Variants in SMG6 observed in about 807,000 individuals in gnomAD.
SMG6 encodes SMG6 nonsense mediated mRNA decay factor, also known as telomerase-binding protein EST1A.
SMG6 carries 66 observed loss-of-function variants against 142.2 expected under a neutral mutation model. That is an observed-to-expected ratio of 0.46 (90% CI 0.38 to 0.57). The LOEUF is 0.57. SMG6 is among the 20% of genes least tolerant of loss of function. The pLI, the probability that SMG6 is intolerant of heterozygous loss-of-function variation, is 0.00. For synonymous variants in SMG6, 779 were observed against 702.4 expected (o/e 1.11, Z -1.72); for missense variants, 1,793 against 1,832.0 (o/e 0.98, Z 0.39).
rs532941407 is a variant in SMG6, at chr17:2,236,681, A to G, written c.2724-44T>C. ...CATCAATGAGGCACCTCTCTCTTTCAGTCTCTCTCTCACTCTGTCTCACAC... is the reference window on the plus strand; with the variant it reads ...CATCAATGAGGCACCTCTCTCTTTCGGTCTCTCTCTCACTCTGTCTCACAC... On this transcript the variant is annotated intron_variant, in intron 9 of 18. Coordinates refer to ENST00000263073, the MANE Select transcript of SMG6 (RefSeq NM_017575.5). 5 of 1,535,796 alleles carry G rather than the reference A, an allele frequency of 3.3e-6. 1 individual carries two copies. In the African/African-American group the frequency reaches 7.4e-5, roughly 23 times the overall value.
intron 13 of SMG6, among the ~76,000 whole-genome samples, chr17:2,162,150 T>C (rs1243045889): frequency 1.3e-5 from 2 of 152,180 alleles, no homozygotes; most frequent in East Asian, 1.9e-4. Flanking sequence ...CATGGAAATA[T>C]ATATTTATTG....
intron 13 of SMG6, among the ~76,000 whole-genome samples, chr17:2,149,106 T>G (rs867196720): frequency 1.3e-5 from 2 of 152,200 alleles, no homozygotes; most frequent in South Asian, 2.1e-4. Flanking sequence ...TCCCAGCACT[T>G]TGGGAGGCCG....
intron 13 of SMG6, among the ~76,000 whole-genome samples, chr17:2,100,569 T>C (rs2068978403): frequency 6.6e-6 from 1 of 152,234 alleles, no homozygotes; most frequent in Admixed American, 6.5e-5. Context: ...CCTTAGAATG[T>C]GTACTTTTAA....
chr17:2,299,063 T>C lies in SMG6; in HGVS notation c.1690A>G (p.Met564Val), dbSNP rs201331245. The C allele has an allele frequency of 5.0e-6, 8 of 1,614,142 alleles. No homozygotes were observed. Among genetic ancestry groups the C allele is most frequent in the East Asian group, 4.5e-5 (2 of 44,872 alleles). ...YVCSPLPTST[M>V]SPEEVEQHMR... Reference sequence around the variant, plus strand: ...TGCTGCTCTACCTCCTCGGGACTCATGGTGCTGGTAGGTAGAGGGCTACAC... The same window carrying C: ...TGCTGCTCTACCTCCTCGGGACTCACGGTGCTGGTAGGTAGAGGGCTACAC... The change falls in exon 2 of 19, where the codon ATG becomes GTG. Residue 564 changes from methionine (M) to valine (V), a missense_variant. Met to Val is a conservative substitution (Grantham distance 21). Transcript: ENST00000263073. This position sits in a 1 kb window ranked among gnomAD's most constrained non-coding sequence, Gnocchi z 4.3.
chr17:2,301,839 T>C (rs1173857742), intron 1 of SMG6, among the ~76,000 whole-genome samples: 3 of 152,040 alleles, frequency 2.0e-5, no homozygotes, highest in South Asian at 2.1e-4. Flanking sequence ...CTTACTTAAG[T>C]ATCTGGTTTT....
chr17:2,253,477 T>G (rs1462947633), intron 8 of SMG6, among the ~76,000 whole-genome samples: 1 of 152,152 alleles, frequency 6.6e-6, no homozygotes, highest in Non-Finnish European at 1.5e-5. Flanking sequence ...CTAAATAATC[T>G]ACAACGCTGG....
intron 10 of SMG6, among the ~76,000 whole-genome samples, chr17:2,194,523 A>T (rs1339417214): frequency 6.6e-6 from 1 of 151,972 alleles, no homozygotes; most frequent in Non-Finnish European, 1.5e-5. Flanking sequence ...AATGAAAAGC[A>T]GTGCACAGAT....
At position 2,085,591 on chromosome 17, in the gene SMG6, G is replaced by C; in HGVS notation, c.3534+134C>G. 2.2e-6 allele frequency: 2 copies of C among 912,146 alleles called. No homozygotes were observed. Among genetic ancestry groups the C allele is most frequent in the Non-Finnish European group, 3.3e-6 (2 of 597,670 alleles). 56.5% of individuals were successfully genotyped at this position (912,146 alleles called of 1,614,324 possible). A position where few individuals can be genotyped will look rare whatever the true frequency, so the allele number is the denominator to read the frequency against. ...AGGGGCACCATCAGAGCACACTCTC[G>C]AGAAGCTGGCTGGTCACATTAACAC... On this transcript the variant is annotated intron_variant, in intron 14 of 18. Transcript: ENST00000263073. The surrounding 1 kb of genome is among the most constrained non-coding windows in gnomAD (Gnocchi z 4.1).
At chr17:2,202,351 C>A (rs556173741) in intron 10 of SMG6, among the ~76,000 whole-genome samples, 11 of 152,220 alleles carry the variant, frequency 7.2e-5, no homozygotes, top group African/African-American at 1.2e-4. Context: ...GAGTTTGAGA[C>A]CAGCCTGAGC....
rs1389490679 is a variant in SMG6, at chr17:2,244,688, T to A, written c.2693A>T (p.His898Leu). The change falls in exon 9 of 19, where the codon CAT becomes CTT. Residue 898 changes from histidine to leucine, a missense_variant. Coordinates refer to ENST00000263073, the MANE Select transcript of SMG6 (RefSeq NM_017575.5). Reference sequence around the variant, plus strand: ...CCGGGTAAACAGCTTCCCATGGGCATGGAGAAAACTGAGGATGAACCTTTT... The same window carrying A: ...CCGGGTAAACAGCTTCCCATGGGCAAGGAGAAAACTGAGGATGAACCTTTT... The part of the protein sequence containing the change: ...LNKRFILSFL[H>L]AHGKLFTRIG... 2 of 1,613,988 alleles carry A rather than the reference T, an allele frequency of 1.2e-6. No individual in the cohort carries two copies.
intron 10 of SMG6, among the ~76,000 whole-genome samples, chr17:2,192,358 C>A (rs2072190404): frequency 6.6e-6 from 1 of 152,202 alleles, no homozygotes; most frequent in African/African-American, 2.4e-5. Flanking sequence ...GTGCACACAG[C>A]CAGTTTCCTG....
rs760244125 is a variant in SMG6, at chr17:2,186,645, A to G, written c.3155+18T>C. On this transcript the variant is annotated intron_variant, in intron 12 of 18. Transcript: ENST00000263073. ...GGCCCAAGCCAGTGGTGCTGAAGCA[A>G]TGGGCAGGTCAACTCACTGCGAGGG... The G allele has an allele frequency of 1.2e-6, 2 of 1,613,772 alleles. No individual in the cohort carries two copies. The highest frequency in any genetic ancestry group is 3.3e-5 in the Admixed American group (2 of 60,024).
At chr17:2,109,617 A>C (rs186752243) in intron 13 of SMG6, among the ~76,000 whole-genome samples, 1 of 152,196 alleles carries the variant, frequency 6.6e-6, no homozygotes, top group East Asian at 1.9e-4. Context: ...ATAGGATTAG[A>C]GACAGGAATC....
chr17:2,108,785 T>C (rs535550505), intron 13 of SMG6, among the ~76,000 whole-genome samples: 3 of 152,084 alleles, frequency 2.0e-5, no homozygotes, highest in Non-Finnish European at 4.4e-5. Context: ...CTGCTAAAAA[T>C]ATAAAAAAAT....
intron 8 of SMG6, among the ~76,000 whole-genome samples, chr17:2,281,602 T>C (rs2151378022): frequency 6.6e-6 from 1 of 152,364 alleles, no homozygotes; most frequent in South Asian, 2.1e-4. Flanking sequence ...CTCCTATTTC[T>C]AGTCTTACTC....
intron 8 of SMG6, 69 bp downstream of exon 8, chr17:2,282,578 G>C: frequency 6.7e-7 from 1 of 1,482,136 alleles, no homozygotes; most frequent in Non-Finnish European, 9.4e-7. Flanking sequence ...GTGCCTCACA[G>C]CTGTATGAAC....
At chr17:2,152,303 T>C (rs1003228089) in intron 13 of SMG6, among the ~76,000 whole-genome samples, 1 of 152,244 alleles carries the variant, frequency 6.6e-6, no homozygotes, top group Non-Finnish European at 1.5e-5. Flanking sequence ...TCCTCACAAC[T>C]TTCTGCTGAC....
intron 10 of SMG6, among the ~76,000 whole-genome samples, chr17:2,227,319 C>A (rs1200895438): frequency 6.6e-6 from 1 of 152,134 alleles, no homozygotes; most frequent in Non-Finnish European, 1.5e-5. Context: ...CTAGAAACAA[C>A]CCAAATGTTT....
intron 14 of SMG6, among the ~76,000 whole-genome samples, chr17:2,084,807 A>AGG (rs2068512393): frequency 6.6e-6 from 1 of 152,228 alleles, no homozygotes; most frequent in Non-Finnish European, 1.5e-5. Context: ...GTCAACCTTC[A>AGG]GGTAAAAGTG....
Sources: gnomAD v4.1 joint callset for allele counts (sites outside exome capture counted in the v4.1 genomes callset) on GRCh38, gnomAD v4.1.1 for gene constraint, Gnocchi (gnomAD v3.1) non-coding constraint, MANE v1.5 for transcripts, NCBI Gene and HGNC (gene_info 2026-07-23, HGNC 2026-07-21) for gene names.